MCPH1: variants seen among roughly 807,000 people sequenced by gnomAD.
The protein encoded by MCPH1 is microcephalin.
MCPH1 carries 104 observed loss-of-function variants against 84.5 expected under a neutral mutation model. The observed-to-expected ratio is 1.23, with a 90% CI of 1.05 to 1.45. MCPH1 has a LOEUF of 1.45. Among genes scored for constraint, MCPH1 ranks in the 40% most tolerant of loss-of-function variants. The pLI is 0.00. For synonymous variants in MCPH1, 514 were observed against 366.8 expected (o/e 1.40, Z -4.58); for missense variants, 1,498 against 1,005.7 (o/e 1.49, Z -6.62).
Position 6,562,634 on chromosome 8 carries a change from A to AT in MCPH1, c.2215-58813dup, listed in dbSNP as rs748140296. The AT allele has an allele frequency of 3.5e-5, 52 of 1,496,062 alleles. 1 individual carries two copies. Among genetic ancestry groups the AT allele is most frequent in the South Asian group, 1.9e-4 (15 of 81,054 alleles). 92.7% of individuals were successfully genotyped at this position (1,496,062 alleles called of 1,614,324 possible). ...ATAGCATGTTCACAAAGACAGATGG[A>AT]TTTTTTTCCTACCTTCATTAGCCAC... On this transcript the variant is annotated intron_variant, in intron 12 of 13. Transcript: ENST00000344683.
At chr8:6,549,172 A>C (rs1328451764) in intron 12 of MCPH1, among the ~76,000 whole-genome samples, 4 of 152,232 alleles carry the variant, frequency 2.6e-5, no homozygotes, top group South Asian at 2.1e-4. Context: ...GGGTTTGTAC[A>C]GTTGAGTGTT....
intron 12 of MCPH1, among the ~76,000 whole-genome samples, chr8:6,570,669 G>T (rs929253594): frequency 2.0e-5 from 3 of 152,136 alleles, no homozygotes; most frequent in African/African-American, 7.2e-5. Flanking sequence ...AATCTTCATT[G>T]TTCATGAGAC....
At chr8:6,512,265 A>G (rs1815302456) in intron 12 of MCPH1, among the ~76,000 whole-genome samples, 1 of 152,178 alleles carries the variant, frequency 6.6e-6, no homozygotes, top group Non-Finnish European at 1.5e-5. Context: ...TTGTTCAGGC[A>G]ACTTGACATT....
chr8:6,581,528 G>A (rs1239381269), intron 12 of MCPH1, among the ~76,000 whole-genome samples: 1 of 152,120 alleles, frequency 6.6e-6, no homozygotes, highest in Non-Finnish European at 1.5e-5. Context: ...TTAAACATCA[G>A]GATCTCATGT....
At chr8:6,467,291 A>C (rs1463686415) in intron 9 of MCPH1, among the ~76,000 whole-genome samples, 2 of 152,180 alleles carry the variant, frequency 1.3e-5, no homozygotes, top group African/African-American at 2.4e-5. Context: ...TGGTCTCCCT[A>C]ATCAGTGATT....
At chr8:6,441,253 A>G (rs570584838) in intron 6 of MCPH1, among the ~76,000 whole-genome samples, 3 of 152,350 alleles carry the variant, frequency 2.0e-5, no homozygotes, top group South Asian at 2.1e-4. Flanking sequence ...TCAGTGTGCA[A>G]TTATGTGTAT....
chr8:6,615,043 G>GT (rs1830665456), intron 12 of MCPH1, among the ~76,000 whole-genome samples: 1 of 152,198 alleles, frequency 6.6e-6, no homozygotes, highest in Non-Finnish European at 1.5e-5. Context: ...CTCACACTGC[G>GT]TAAGCACGAA....
At chr8:6,563,863 TA>T (rs1417785292) in intron 12 of MCPH1, among the ~76,000 whole-genome samples, 1 of 152,058 alleles carries the variant, frequency 6.6e-6, no homozygotes, top group Non-Finnish European at 1.5e-5. Context: ...CTTTATTCTT[TA>T]AAAAAACTCC....
At chr8:6,638,345 A>T (rs887423761) in intron 13 of MCPH1, among the ~76,000 whole-genome samples, 5 of 152,140 alleles carry the variant, frequency 3.3e-5, no homozygotes, top group African/African-American at 1.2e-4. Flanking sequence ...TGAAGCTCAC[A>T]TGGGTCCCGT....
Position 6,500,004 on chromosome 8 carries a change from A to G in MCPH1, c.2214+75A>G, listed in dbSNP as rs1283520388. ...GAAATTATTATAAACATAAGGGTGG[A>G]CTTAAGTTTTTATCCAGTCAAGCAC... On this transcript the variant is annotated intron_variant, in intron 12 of 13. Coordinates refer to ENST00000344683, the MANE Select transcript of MCPH1 (RefSeq NM_024596.5). 4 of 1,315,046 alleles carry G rather than the reference A, an allele frequency of 3.0e-6. No individual in the cohort carries two copies. In the East Asian group the frequency reaches 9.2e-5, roughly 30 times the overall value. 81.5% of individuals were successfully genotyped at this position (1,315,046 alleles called of 1,614,324 possible).
chr8:6,490,964 T>C (rs1273258521), intron 11 of MCPH1, among the ~76,000 whole-genome samples: 1 of 140,718 alleles, frequency 7.1e-6, no homozygotes, highest in Non-Finnish European at 1.6e-5. Flanking sequence ...ATAATGCTAT[T>C]AATCATTAAT....
chr8:6,526,257 TAAA>T (rs35519559), intron 12 of MCPH1, among the ~76,000 whole-genome samples: 1 of 77,502 alleles, frequency 1.3e-5, no homozygotes, highest in Admixed American at 1.8e-4. Flanking sequence ...TTGCCTCTAC[TAAA>T]AAAAAAAAAA....
chr8:6,546,696 C>G (rs1822634005), intron 12 of MCPH1, among the ~76,000 whole-genome samples: 1 of 152,102 alleles, frequency 6.6e-6, no homozygotes, highest in Non-Finnish European at 1.5e-5. Context: ...ACTAAGGGTC[C>G]CATGAGCTGA....
rs746675717 is a variant in MCPH1, at chr8:6,414,860, C to T, written c.210C>T (p.Leu70=). 3 of 1,613,498 alleles carry T rather than the reference C, an allele frequency of 1.9e-6. 1 individual carries two copies. Among genetic ancestry groups the T allele is most frequent in the South Asian group, 2.2e-5 (2 of 91,008 alleles). Residue 70 remains leucine (L), a synonymous_variant, in exon 3 of 14, where the codon CTC becomes CTT. Transcript: ENST00000344683. ...WDKAQKRGVK[L]VSVLWVEKCR... is the part of the protein sequence containing the mutation. Reference sequence around the variant, plus strand: ...AAGCTCAGAAGAGAGGCGTAAAGCTCGTTTCGGTGCTCTGGGTGGAAAAGT... The same window carrying T: ...AAGCTCAGAAGAGAGGCGTAAAGCTTGTTTCGGTGCTCTGGGTGGAAAAGT...
intron 4 of MCPH1, among the ~76,000 whole-genome samples, chr8:6,435,334 A>C (rs1422623954): frequency 5.9e-5 from 9 of 152,166 alleles, no homozygotes; most frequent in Admixed American, 2.6e-4. Flanking sequence ...TTGTTTTGAG[A>C]AAAGAAAGGC....
chr8:6,486,895 C>T (rs930346102), intron 11 of MCPH1, among the ~76,000 whole-genome samples: 1 of 152,198 alleles, frequency 6.6e-6, no homozygotes, highest in Non-Finnish European at 1.5e-5. Context: ...TTATCCCACT[C>T]TCACTTAATT....
chr8:6,550,541 C>G (rs998710038), intron 12 of MCPH1, among the ~76,000 whole-genome samples: 1 of 152,208 alleles, frequency 6.6e-6, no homozygotes, highest in South Asian at 2.1e-4. Context: ...AGATTTTCCA[C>G]ATTTGTTCCC....
At chr8:6,640,145 G>C (rs957694375) in intron 13 of MCPH1, among the ~76,000 whole-genome samples, 7 of 150,520 alleles carry the variant, frequency 4.7e-5, no homozygotes, top group Non-Finnish European at 8.9e-5. Flanking sequence ...TTTTCTAACT[G>C]AACAATCTGA....
At chr8:6,433,194 T>C (rs1332684481) in intron 4 of MCPH1, among the ~76,000 whole-genome samples, 1 of 152,230 alleles carries the variant, frequency 6.6e-6, no homozygotes, top group Non-Finnish European at 1.5e-5. Context: ...CATGTACTTT[T>C]AGTCACTGTC....
Sources: gnomAD v4.1 joint callset for allele counts (sites outside exome capture counted in the v4.1 genomes callset) on GRCh38, gnomAD v4.1.1 for gene constraint, MANE v1.5 for transcripts, NCBI Gene and HGNC (gene_info 2026-07-23, HGNC 2026-07-21) for gene names.